The following ST8SIA4 variants were observed in gnomAD, a reference collection of about 807,000 sequenced individuals.
ST8SIA4 encodes the protein ST8 alpha-N-acetyl-neuraminide alpha-2,8-sialyltransferase 4, also known as CMP-N-acetylneuraminate-poly-alpha-2,8-sialyltransferase.
A neutral mutation model predicts 33.9 loss-of-function variants in ST8SIA4; 15 were observed. That is an observed-to-expected ratio of 0.44 (90% CI 0.30 to 0.68). ST8SIA4 has a LOEUF of 0.68. Among genes scored for constraint, ST8SIA4 ranks in the 30% least tolerant of loss-of-function variants. The pLI is 0.10. For synonymous variants in ST8SIA4, 171 were observed against 151.2 expected (o/e 1.13, Z -0.96); for missense variants, 321 against 428.0 (o/e 0.75, Z 2.21).
Position 100,848,758 on chromosome 5 carries a change from C to T in ST8SIA4, c.797+7345G>A, listed in dbSNP as rs374514671. Among the ~76,000 whole-genome samples, 289 of 150,602 alleles carry T rather than the reference C, an allele frequency of 1.9e-3. No homozygotes were observed. In the Middle Eastern group the frequency reaches 0.021, roughly 11 times the overall value. ...ATTGACATTTATCAAAAAAGTTACG[C>T]ATTTTTAAAAAAATTAATAATTGCA... On this transcript the variant is annotated intron_variant, in intron 4 of 4. Transcript: ENST00000231461.
At chr5:100,873,296 T>A (rs1752235597) in intron 3 of ST8SIA4, among the ~76,000 whole-genome samples, 1 of 151,578 alleles carries the variant, frequency 6.6e-6, no homozygotes. Context: ...TAGAAGATAG[T>A]GATTTAAGCT....
At chr5:100,895,431 A>G (rs1752759989) in intron 2 of ST8SIA4, among the ~76,000 whole-genome samples, 2 of 152,182 alleles carry the variant, frequency 1.3e-5, no homozygotes, top group South Asian at 4.1e-4. Flanking sequence ...TAAAGACAAT[A>G]TATTCAAAAC....
intron 3 of ST8SIA4, among the ~76,000 whole-genome samples, chr5:100,880,721 C>T (rs1416740205): frequency 1.3e-5 from 2 of 152,220 alleles, no homozygotes; most frequent in Middle Eastern, 3.4e-3. Flanking sequence ...CAGTGGATGT[C>T]ATGAGAAATC....
At chr5:100,864,553 T>C (rs536041071) in intron 3 of ST8SIA4, among the ~76,000 whole-genome samples, 5 of 121,618 alleles carry the variant, frequency 4.1e-5, no homozygotes, top group South Asian at 2.5e-4. Context: ...CCAGCCTGGG[T>C]GACAGAGCAA....
At position 100,883,693 on chromosome 5, in the gene ST8SIA4, A is replaced by G. The variant is rs528279370; in HGVS notation, c.503+2650T>C. Reference sequence around the variant, plus strand: ...GAATCATGGGAGCAGTTTCCCCTATACTGTTCTCGTGGTAGTGAATAAGTC... The same window carrying G: ...GAATCATGGGAGCAGTTTCCCCTATGCTGTTCTCGTGGTAGTGAATAAGTC... On this transcript the variant is annotated intron_variant, in intron 3 of 4. Transcript: ENST00000231461. Among the ~76,000 whole-genome samples the G allele has an allele frequency of 2.6e-5, 4 of 151,948 alleles. No homozygotes were observed. In the South Asian group the frequency reaches 8.3e-4, roughly 32 times the overall value.
intron 3 of ST8SIA4, among the ~76,000 whole-genome samples, chr5:100,872,724 T>C (rs1465121888): frequency 1.3e-5 from 2 of 152,092 alleles, no homozygotes; most frequent in African/African-American, 4.8e-5. Flanking sequence ...TATGGAATTG[T>C]GAGTCAAGCC....
chr5:100,903,230 C>T lies in ST8SIA4; in HGVS notation c.-275G>A, dbSNP rs947302554. 4.5e-6 allele frequency: 2 copies of T among 445,608 alleles called. No homozygotes were observed. The highest frequency in any genetic ancestry group is 4.0e-5 in the African/African-American group (2 of 50,012). 27.6% of individuals were successfully genotyped at this position (445,608 alleles called of 1,614,324 possible). Reference sequence around the variant, plus strand: ...GGCTCAGGTTTCTTTTCAGATGAGACACCTTGTGCATTGGAGGTGGCGGCA... The same window carrying T: ...GGCTCAGGTTTCTTTTCAGATGAGATACCTTGTGCATTGGAGGTGGCGGCA... On this transcript the variant is annotated 5_prime_UTR_variant, in exon 1 of 5. Coordinates refer to ENST00000231461, the MANE Select transcript of ST8SIA4 (RefSeq NM_005668.6).
At chr5:100,842,240 T>G (rs892801757) in intron 4 of ST8SIA4, among the ~76,000 whole-genome samples, 2 of 151,890 alleles carry the variant, frequency 1.3e-5, no homozygotes, top group African/African-American at 4.8e-5. Flanking sequence ...GCTTATTAAT[T>G]TTGAAACTGA....
intron 4 of ST8SIA4, among the ~76,000 whole-genome samples, chr5:100,832,577 T>G (rs972871941): frequency 2.0e-5 from 3 of 152,162 alleles, no homozygotes; most frequent in African/African-American, 7.2e-5. Flanking sequence ...TGCAGCATTC[T>G]AAAAACATAA....
intron 4 of ST8SIA4, among the ~76,000 whole-genome samples, chr5:100,853,990 TG>T (rs1370042359): frequency 0.022 from 558 of 25,078 alleles, 2 homozygotes; most frequent in African/African-American, 0.049. Flanking sequence ...TGTGTATGTG[TG>T]TGTGTGTGTG....
At chr5:100,872,075 A>G (rs1205706166) in intron 3 of ST8SIA4, among the ~76,000 whole-genome samples, 1 of 152,072 alleles carries the variant, frequency 6.6e-6, no homozygotes, top group Non-Finnish European at 1.5e-5. Flanking sequence ...TACAAACCAA[A>G]ATTTTCTCAA....
intron 2 of ST8SIA4, among the ~76,000 whole-genome samples, chr5:100,888,896 T>G (rs1002532636): frequency 2.0e-5 from 3 of 151,958 alleles, no homozygotes; most frequent in Non-Finnish European, 4.4e-5. Flanking sequence ...AAAATAATGT[T>G]ATGATCTTTT....
chr5:100,897,882 C>T (rs145863326), intron 1 of ST8SIA4, among the ~76,000 whole-genome samples: 1 of 152,082 alleles, frequency 6.6e-6, no homozygotes, highest in African/African-American at 2.4e-5. Context: ...TACTGACCAT[C>T]GGCCCAGAAG....
Position 100,892,039 on chromosome 5 carries a change from T to C in ST8SIA4, c.245+3615A>G, listed in dbSNP as rs1327170364. Among the ~76,000 whole-genome samples, 4 of 152,102 alleles carry C rather than the reference T, an allele frequency of 2.6e-5. No homozygotes were observed. The East Asian group carries it at 5.8e-4, about 22-fold the overall frequency. On this transcript the variant is annotated intron_variant, in intron 2 of 4. Transcript: ENST00000231461. ...TGTATTTCAGATTATTGATATATCATGACACTAAGAGCTGAAATATTTTTT... is the reference window on the plus strand; with the variant it reads ...TGTATTTCAGATTATTGATATATCACGACACTAAGAGCTGAAATATTTTTT...
chr5:100,818,987 C>G (rs904370921), intron 4 of ST8SIA4, among the ~76,000 whole-genome samples: 6 of 152,122 alleles, frequency 3.9e-5, no homozygotes, highest in Non-Finnish European at 7.4e-5. Context: ...TCTAGATCTA[C>G]ATATATTATG....
intron 4 of ST8SIA4, among the ~76,000 whole-genome samples, chr5:100,833,379 T>C (rs539747862): frequency 6.6e-6 from 1 of 152,228 alleles, no homozygotes; most frequent in Admixed American, 6.5e-5. Context: ...ACTCAATTGA[T>C]TGGGCTGCAA....
At chr5:100,879,891 A>G (rs1047663961) in intron 3 of ST8SIA4, among the ~76,000 whole-genome samples, 1 of 152,090 alleles carries the variant, frequency 6.6e-6, no homozygotes, top group Non-Finnish European at 1.5e-5. Context: ...AAACTTGGTC[A>G]CCTAAGGTTT....
rs536878813 is a variant in ST8SIA4, at chr5:100,817,546, G to C, written c.798-5417C>G. The stretch of plus-strand genomic sequence containing the variant: ...GACATATTGAAATAGAATATCTGCT[G>C]TTTTCTTCCCTACTGTTAAAATAGT... On this transcript the variant is annotated intron_variant, in intron 4 of 4. Transcript: ENST00000231461. Among the ~76,000 whole-genome samples the C allele has an allele frequency of 2.0e-5, 3 of 152,238 alleles. No individual in the cohort carries two copies. The South Asian group carries it at 6.2e-4, about 32-fold the overall frequency.
At chr5:100,874,074 C>T (rs1473124163) in intron 3 of ST8SIA4, among the ~76,000 whole-genome samples, 2 of 152,038 alleles carry the variant, frequency 1.3e-5, no homozygotes, top group African/African-American at 4.8e-5. Context: ...GAGAAAGAAC[C>T]TAAGAAAGGT....
Sources: gnomAD v4.1 joint callset for allele counts (sites outside exome capture counted in the v4.1 genomes callset) on GRCh38, gnomAD v4.1.1 for gene constraint, MANE v1.5 for transcripts, NCBI Gene and HGNC (gene_info 2026-07-23, HGNC 2026-07-21) for gene names.